Variants in ADAMTSL1 observed in about 807,000 individuals in gnomAD.
ADAMTSL1 encodes ADAMTS-like protein 1.
Under a neutral mutation model 201.8 loss-of-function variants are expected in ADAMTSL1, and 126 were observed. The ratio of observed to expected loss-of-function variants is 0.62; its 90% CI spans 0.54 to 0.72. The LOEUF (loss-of-function observed/expected upper bound fraction) is 0.72. Ranked by LOEUF, ADAMTSL1 falls within the 30% of genes least tolerant of loss-of-function variation. The pLI is 0.00. For synonymous variants in ADAMTSL1, 1,121 were observed against 903.4 expected (o/e 1.24, Z -4.32); for missense variants, 2,679 against 2,277.8 (o/e 1.18, Z -3.59).
At chr9:18,083,841 A>G (rs376206440) in intron 1 of ADAMTSL1, among the ~76,000 whole-genome samples, 29 of 152,254 alleles carry the variant, frequency 1.9e-4, no homozygotes, top group African/African-American at 6.5e-4. Flanking sequence ...AGCTCTAAAC[A>G]TTATTTACTC....
At chr9:18,811,708 A>C (rs987947797) in intron 20 of ADAMTSL1, among the ~76,000 whole-genome samples, 1 of 152,060 alleles carries the variant, frequency 6.6e-6, no homozygotes, top group African/African-American at 2.4e-5. Flanking sequence ...TCATGAAAAA[A>C]CCCACCTTCA....
intron 15 of ADAMTSL1, among the ~76,000 whole-genome samples, chr9:18,750,070 C>T (rs1481550168): frequency 2.0e-5 from 3 of 152,198 alleles, no homozygotes; most frequent in Admixed American, 2.0e-4. Context: ...AAAGAGGGTT[C>T]ACCAGCACTG....
rs564047673 is a variant in ADAMTSL1 at position 18,277,904 on chromosome 9, A to AT, written c.207+113931dup. Among the ~76,000 whole-genome samples, 140 of 151,690 alleles carry AT rather than the reference A, an allele frequency of 9.2e-4. No individual in the cohort carries two copies. The South Asian group carries it at 0.021, about 23-fold the overall frequency. On this transcript the variant is annotated intron_variant, in intron 2 of 29. Transcript: ENST00000680146. ...GTTGTCTTCCTTTGTGATTTTGATG[A>AT]TTTTTTTTGTAGTGGAATGGTTTAA... is the stretch of plus-strand genomic sequence containing the variant.
intron 2 of ADAMTSL1, among the ~76,000 whole-genome samples, chr9:18,210,122 A>C (rs537752406): frequency 6.6e-6 from 1 of 151,996 alleles, no homozygotes; most frequent in African/African-American, 2.4e-5. Flanking sequence ...TTCTCTTAAC[A>C]TAATCACAAC....
In ADAMTSL1 at chr9:18,167,255, A is replaced by C. The variant is rs28562309; in HGVS notation, c.207+3274A>C. Among the ~76,000 whole-genome samples the C allele has an allele frequency of 2.2e-3, 336 of 152,106 alleles. 2 individuals are homozygous for C. Among genetic ancestry groups the C allele is most frequent in the African/African-American group, 7.9e-3 (328 of 41,528 alleles). On this transcript the variant is annotated intron_variant, in intron 2 of 29. Coordinates refer to the ADAMTSL1 transcript ENST00000680146. ...AAGAATGAGGTTTTCTTCAGTATGT[A>C]ATTAGTGTACACTTCATTTGCCTGT...
At chr9:17,963,181 T>G (rs1334102069) in intron 1 of ADAMTSL1, among the ~76,000 whole-genome samples, 1 of 152,232 alleles carries the variant, frequency 6.6e-6, no homozygotes, top group Admixed American at 6.5e-5. Flanking sequence ...TTTCATTTTA[T>G]TATGAAAAAT....
chr9:18,408,194 C>A (rs990286593), intron 2 of ADAMTSL1, among the ~76,000 whole-genome samples: 1 of 152,118 alleles, frequency 6.6e-6, no homozygotes, highest in African/African-American at 2.4e-5. Flanking sequence ...AAGGGCCAGG[C>A]GCTGTGGCTG....
At chr9:18,856,636 T>G (rs2131395483) in intron 23 of ADAMTSL1, among the ~76,000 whole-genome samples, 1 of 152,060 alleles carries the variant, frequency 6.6e-6, no homozygotes, top group East Asian at 1.9e-4. Flanking sequence ...TTTTGTATTT[T>G]TAGTAGACAC....
intron 13 of ADAMTSL1, among the ~76,000 whole-genome samples, chr9:18,703,541 G>A (rs929618642): frequency 1.6e-4 from 24 of 151,608 alleles, no homozygotes; most frequent in African/African-American, 5.8e-4. Context: ...GTGTGAACTC[G>A]ATGAAGACCT....
At chr9:18,506,071 G>C (rs1171986507) in intron 2 of ADAMTSL1, among the ~76,000 whole-genome samples, 8 of 152,162 alleles carry the variant, frequency 5.3e-5, no homozygotes, top group Admixed American at 1.3e-4. Context: ...GATCAATTCT[G>C]ATATTTGGCC....
chr9:18,494,711 G>T (rs1822443060), intron 1 of ADAMTSL1, among the ~76,000 whole-genome samples: 1 of 152,170 alleles, frequency 6.6e-6, no homozygotes, highest in South Asian at 2.1e-4. Flanking sequence ...ATATCCAATG[G>T]CTCTTCACCT....
intron 2 of ADAMTSL1, among the ~76,000 whole-genome samples, chr9:18,306,378 G>A (rs1236873773): frequency 1.3e-5 from 2 of 152,046 alleles, no homozygotes; most frequent in African/African-American, 4.8e-5. Context: ...TCAGAAAGTG[G>A]ATAATAACAA....
intron 1 of ADAMTSL1, among the ~76,000 whole-genome samples, chr9:17,951,948 G>A (rs1827744079): frequency 1.3e-5 from 2 of 151,804 alleles, no homozygotes; most frequent in South Asian, 4.2e-4. Flanking sequence ...CCACAGGCAT[G>A]CACCATCTTG....
intron 2 of ADAMTSL1, among the ~76,000 whole-genome samples, chr9:18,433,273 T>C (rs1008398780): frequency 3.3e-5 from 5 of 152,096 alleles, no homozygotes; most frequent in African/African-American, 7.2e-5. Flanking sequence ...ATAGATTCTA[T>C]TGGAGGCCTA....
chr9:18,324,928 A>C (rs1370235807), intron 2 of ADAMTSL1, among the ~76,000 whole-genome samples: 1 of 152,200 alleles, frequency 6.6e-6, no homozygotes, highest in African/African-American at 2.4e-5. Context: ...CAATTTCTTA[A>C]GTGGACAAAA....
intron 19 of ADAMTSL1, among the ~76,000 whole-genome samples, chr9:18,794,508 A>C (rs1448816126): frequency 6.6e-6 from 1 of 152,248 alleles, no homozygotes; most frequent in South Asian, 2.1e-4. Context: ...ATGACTACAC[A>C]GCGGCTGTGA....
chr9:18,424,899 T>A (rs1819136415), intron 2 of ADAMTSL1, among the ~76,000 whole-genome samples: 1 of 152,030 alleles, frequency 6.6e-6, no homozygotes, highest in South Asian at 2.1e-4. Flanking sequence ...TGCCCTGGAG[T>A]ATTTACGTCT....
At chr9:18,714,384 A>G (rs1310503664) in intron 14 of ADAMTSL1, among the ~76,000 whole-genome samples, 1 of 152,236 alleles carries the variant, frequency 6.6e-6, no homozygotes, top group African/African-American at 2.4e-5. Context: ...GAAGAATCAA[A>G]TAGATGCAAT....
chr9:18,696,232 A>T (rs1469259306), intron 13 of ADAMTSL1, among the ~76,000 whole-genome samples: 1 of 152,240 alleles, frequency 6.6e-6, no homozygotes, highest in Admixed American at 6.5e-5. Context: ...GGACATATAT[A>T]CTGAGACCTG....
Sources: allele counts gnomAD v4.1 joint callset (sites outside exome capture counted in the v4.1 genomes callset), GRCh38; gene constraint gnomAD v4.1.1; transcripts MANE v1.5; gene names NCBI Gene and HGNC (gene_info 2026-07-23, HGNC 2026-07-21).